Variants in BCOR observed in about 807,000 individuals in gnomAD.
BCOR encodes the protein BCL6 corepressor.
BCOR carries 10 observed loss-of-function variants against 86.7 expected under a neutral mutation model. That is an observed-to-expected ratio of 0.12 (90% CI 0.07 to 0.20). The LOEUF (loss-of-function observed/expected upper bound fraction) is 0.20, where lower values mean the gene tolerates loss of function less well. Among genes scored for constraint, BCOR ranks in the 10% least tolerant of loss-of-function variants. BCOR has a pLI of 1.00. For missense variants in BCOR, 1,259 were observed against 1,452.1 expected (o/e 0.87, Z 2.16); for synonymous variants, 611 against 609.0 (o/e 1.00, Z -0.05).
At chrX:40,057,035 C>G (rs1934632086) in intron 11 of BCOR, 120 bp downstream of exon 11, 2 of 819,598 alleles carry the variant, frequency 2.4e-6, no homozygotes, top group Non-Finnish European at 3.6e-6. Context: ...GGTCAGTGTG[C>G]TTACAGTCAC....
intron 1 of BCOR, among the ~76,000 whole-genome samples, chrX:40,083,420 C>A (rs1936202782): frequency 8.9e-6 from 1 of 112,042 alleles, no homozygotes; most frequent in Admixed American, 9.3e-5. Context: ...CGTCCCCGCC[C>A]ACACCTCCAA....
intron 1 of BCOR, among the ~76,000 whole-genome samples, chrX:40,145,257 G>A (rs902698833): frequency 3.6e-5 from 4 of 111,401 alleles, no homozygotes; most frequent in Non-Finnish European, 7.6e-5. Context: ...TCCGGACTGG[G>A]CCCACACCCC....
chrX:40,089,544 C>T (rs980068932), intron 1 of BCOR, among the ~76,000 whole-genome samples: 3 of 111,089 alleles, frequency 2.7e-5, no homozygotes, highest in African/African-American at 9.9e-5. Flanking sequence ...ATCTCCTGGT[C>T]CACTCAAAGT....
chrX:40,120,048 C>T (rs868218094), intron 1 of BCOR, among the ~76,000 whole-genome samples: 363 of 20,698 alleles, frequency 0.018, 1 homozygote, highest in Middle Eastern at 0.12. Flanking sequence ...ACAGTTGGGG[C>T]GGGGGGAGGA....
chrX:40,149,809 G>A (rs1296681597), intron 1 of BCOR, among the ~76,000 whole-genome samples: 3 of 112,046 alleles, frequency 2.7e-5, no homozygotes, highest in Non-Finnish European at 5.6e-5. Context: ...CAGAGAGATG[G>A]AACAGGAATC....
intron 1 of BCOR, among the ~76,000 whole-genome samples, chrX:40,137,475 G>A (rs1937705759): frequency 9.1e-6 from 1 of 110,244 alleles, no homozygotes; most frequent in African/African-American, 3.3e-5. Context: ...TTGAACCCAG[G>A]AGGCGGAGGT....
intron 1 of BCOR, among the ~76,000 whole-genome samples, chrX:40,111,248 A>T (rs1442862322): frequency 9.0e-6 from 1 of 111,225 alleles, no homozygotes; most frequent in African/African-American, 3.3e-5. Flanking sequence ...CTTTCTTGAA[A>T]GGCCCCTTGT....
At chrX:40,094,286 C>T (rs892775156) in intron 1 of BCOR, among the ~76,000 whole-genome samples, 1 of 112,394 alleles carries the variant, frequency 8.9e-6, no homozygotes, top group African/African-American at 3.2e-5. Flanking sequence ...AGCCTGCATG[C>T]CTGTCTAGAC....
chrX:40,174,999 C>T (rs1047450870), intron 1 of BCOR, among the ~76,000 whole-genome samples: 3 of 113,351 alleles, frequency 2.6e-5, no homozygotes, highest in African/African-American at 9.6e-5. Flanking sequence ...TTTTCTAGCC[C>T]GAGAAGGGGC....
intron 1 of BCOR, among the ~76,000 whole-genome samples, chrX:40,162,525 G>A (rs1229772629): frequency 2.7e-5 from 3 of 111,368 alleles, no homozygotes; most frequent in Non-Finnish European, 5.7e-5. Flanking sequence ...GTGTGGCAGA[G>A]TTCACCCAGG....
chrX:40,154,628 G>A (rs2147995899), intron 1 of BCOR, among the ~76,000 whole-genome samples: 1 of 107,084 alleles, frequency 9.3e-6, no homozygotes, highest in East Asian at 2.9e-4. Context: ...GAAAACACCG[G>A]GAACACCCAC....
intron 1 of BCOR, among the ~76,000 whole-genome samples, chrX:40,156,988 C>A (rs1938310220): frequency 8.8e-6 from 1 of 113,583 alleles, no homozygotes; most frequent in Non-Finnish European, 1.9e-5. Context: ...CCTGGCCACC[C>A]GAGCTAACGC....
chrX:40,092,440 C>T (rs1004400314), intron 1 of BCOR, among the ~76,000 whole-genome samples: 7 of 110,613 alleles, frequency 6.3e-5, no homozygotes, highest in East Asian at 2.8e-4. Flanking sequence ...CACAGGCTGT[C>T]CCCGCCACGG....
chrX:40,168,110 G>A (rs1401206281), intron 1 of BCOR, among the ~76,000 whole-genome samples: 1 of 112,851 alleles, frequency 8.9e-6, no homozygotes, highest in Non-Finnish European at 1.9e-5. Context: ...GCGCGCACCC[G>A]GCCACCACGG....
At chrX:40,101,534 A>C (rs1937074613), upstream of BCOR, among the ~76,000 whole-genome samples, 1 of 112,577 alleles carries the variant, frequency 8.9e-6, no homozygotes, top group Non-Finnish European at 1.9e-5. Context: ...AAACCACTCG[A>C]CCTCAGGCTA....
At chrX:40,054,392 G>A in intron 12 of BCOR, 59 bp from the exon 13 acceptor site, 1 of 979,685 alleles carries the variant, frequency 1.0e-6, no homozygotes. Flanking sequence ...ACAAAATGAT[G>A]GCAGAGCCAC....
chrX:40,121,194 C>T (rs1450740040), intron 1 of BCOR, among the ~76,000 whole-genome samples: 1 of 112,033 alleles, frequency 8.9e-6, no homozygotes, highest in Non-Finnish European at 1.9e-5. Flanking sequence ...CCTCAGCCAC[C>T]CTACTGGGCC....
At chrX:40,138,379 T>G (rs1602255925) in intron 1 of BCOR, among the ~76,000 whole-genome samples, 1 of 111,870 alleles carries the variant, frequency 8.9e-6, no homozygotes, top group Non-Finnish European at 1.9e-5. Flanking sequence ...CGAAGCCACA[T>G]TCCCGGTTTT....
intron 1 of BCOR, among the ~76,000 whole-genome samples, chrX:40,163,472 C>A (rs1938457505): frequency 9.0e-6 from 1 of 110,859 alleles, no homozygotes; most frequent in Non-Finnish European, 1.9e-5. Context: ...TTTATGAGGC[C>A]TCTTGAGGGT....
Sources: allele counts gnomAD v4.1 joint callset (sites outside exome capture counted in the v4.1 genomes callset), GRCh38; gene constraint gnomAD v4.1.1; transcripts MANE v1.5; gene names NCBI Gene and HGNC (gene_info 2026-07-23, HGNC 2026-07-21).